Variants in RAPGEF5 observed in about 807,000 individuals in gnomAD.
RAPGEF5 encodes the protein Rap guanine nucleotide exchange factor 5.
Under a neutral mutation model 125.2 loss-of-function variants are expected in RAPGEF5, and 65 were observed. That is an observed-to-expected ratio of 0.52 (90% CI 0.43 to 0.64). The LOEUF is 0.64. Among genes scored for constraint, RAPGEF5 ranks in the 30% least tolerant of loss-of-function variants. The pLI, the probability that RAPGEF5 is intolerant of heterozygous loss-of-function variation, is 0.00. For missense variants in RAPGEF5, 958 were observed against 1,048.1 expected (o/e 0.91, Z 1.19); for synonymous variants, 391 against 385.9 (o/e 1.01, Z -0.16).
intron 9 of RAPGEF5, among the ~76,000 whole-genome samples, chr7:22,210,573 A>T (rs1238771546): frequency 6.6e-6 from 1 of 152,068 alleles, no homozygotes; most frequent in Non-Finnish European, 1.5e-5. Flanking sequence ...TGACATCTTA[A>T]TTGTCTCATT....
intron 1 of RAPGEF5, among the ~76,000 whole-genome samples, chr7:22,347,925 G>T (rs1784254981): frequency 6.6e-6 from 1 of 152,094 alleles, no homozygotes; most frequent in Non-Finnish European, 1.5e-5. Context: ...TGCTATATTT[G>T]GAGGTGAATG....
In RAPGEF5 at chr7:22,131,731, G is replaced by A. The variant is rs140271923; in HGVS notation, c.2417-630C>T. ...ATAAAAGGAGGAAAGTACAATGAAA[G>A]TGCATTTTCAGAGGAAGATAAAGTT... On this transcript the variant is annotated intron_variant, in intron 23 of 25. Coordinates refer to ENST00000665637, the MANE Select transcript of RAPGEF5 (RefSeq NM_012294.5). Among the ~76,000 whole-genome samples the A allele has an allele frequency of 4.5e-3, 692 of 152,298 alleles. 1 individual carries two copies. The highest frequency in any genetic ancestry group is 0.015 in the African/African-American group (633 of 41,552).
At chr7:22,125,918 T>A (rs1782728992) in intron 24 of RAPGEF5, among the ~76,000 whole-genome samples, 3 of 152,012 alleles carry the variant, frequency 2.0e-5, no homozygotes, top group South Asian at 4.1e-4. Flanking sequence ...GAGGCTGAGG[T>A]GGGCGGATCA....
At chr7:22,220,173 G>T in intron 8 of RAPGEF5, 182 bp from the exon 9 acceptor site, 1 of 706,070 alleles carries the variant, frequency 1.4e-6, no homozygotes, top group Non-Finnish European at 2.3e-6. Flanking sequence ...AGAGCACCAT[G>T]CCAAAAGACT....
At chr7:22,181,131 GCT>G (rs1160548435) in intron 11 of RAPGEF5, among the ~76,000 whole-genome samples, 1 of 152,068 alleles carries the variant, frequency 6.6e-6, no homozygotes, top group African/African-American at 2.4e-5. Flanking sequence ...AGATCACTCT[GCT>G]CTCTCTTTTT....
rs1785624687 is a variant in RAPGEF5 at position 22,215,838 on chromosome 7, G to A, written c.996+4028C>T. ...AAGAAAAGTTTGTGTAGTCCCCATA[G>A]TGTTTGCCAGAACCCCACCTAACAA... On this transcript the variant is annotated intron_variant, in intron 9 of 25. Coordinates refer to ENST00000665637, the MANE Select transcript of RAPGEF5 (RefSeq NM_012294.5). Among the ~76,000 whole-genome samples the A allele has an allele frequency of 2.0e-5, 3 of 152,156 alleles. No individual in the cohort carries two copies. In the South Asian group the frequency reaches 6.2e-4, roughly 32 times the overall value.
chr7:22,238,905 C>A (rs538563020), intron 7 of RAPGEF5, among the ~76,000 whole-genome samples: 1 of 152,262 alleles, frequency 6.6e-6, no homozygotes, highest in Middle Eastern at 3.4e-3. Context: ...TCAGGTCTGA[C>A]ACTATCTGTA....
chr7:22,221,344 A>G (rs1785784202), intron 8 of RAPGEF5, among the ~76,000 whole-genome samples: 1 of 152,194 alleles, frequency 6.6e-6, no homozygotes, highest in Admixed American at 6.5e-5. Flanking sequence ...TTTAACTTCA[A>G]TCTGTGAGGA....
chr7:22,284,005 G>C (rs1423087396), intron 6 of RAPGEF5, among the ~76,000 whole-genome samples: 1 of 151,886 alleles, frequency 6.6e-6, no homozygotes, highest in Non-Finnish European at 1.5e-5. Flanking sequence ...CACACAATCT[G>C]GGTAGATTTT....
chr7:22,325,478 T>C (rs748152080), intron 1 of RAPGEF5, among the ~76,000 whole-genome samples: 8 of 152,168 alleles, frequency 5.3e-5, no homozygotes, highest in Non-Finnish European at 8.8e-5. Context: ...ATCCCTGCCT[T>C]AAGTGGTCAT....
intron 7 of RAPGEF5, among the ~76,000 whole-genome samples, chr7:22,248,501 C>T (rs1786536662): frequency 6.6e-6 from 1 of 152,150 alleles, no homozygotes; most frequent in South Asian, 2.1e-4. Context: ...TGCCCCTTCC[C>T]TAACCAGACC....
At chr7:22,339,040 T>A (rs1376435566) in intron 1 of RAPGEF5, among the ~76,000 whole-genome samples, 2 of 152,158 alleles carry the variant, frequency 1.3e-5, no homozygotes, top group Non-Finnish European at 1.5e-5. Flanking sequence ...GGCTCAAGCA[T>A]GCGCACTAAG....
intron 8 of RAPGEF5, among the ~76,000 whole-genome samples, chr7:22,221,870 A>T (rs1428451680): frequency 6.6e-6 from 1 of 152,166 alleles, no homozygotes; most frequent in East Asian, 1.9e-4. Context: ...TATTTTATTC[A>T]TTCATTCACT....
chr7:22,166,766 G>A (rs1784180099), intron 12 of RAPGEF5, among the ~76,000 whole-genome samples: 1 of 152,102 alleles, frequency 6.6e-6, no homozygotes, highest in Non-Finnish European at 1.5e-5. Context: ...TTGACTCTGG[G>A]GTTTACCCAG....
intron 8 of RAPGEF5, among the ~76,000 whole-genome samples, chr7:22,226,958 C>A (rs1185820007): frequency 6.6e-6 from 1 of 152,046 alleles, no homozygotes; most frequent in African/African-American, 2.4e-5. Flanking sequence ...CCCTCAAGTA[C>A]TTTCTTAATC....
chr7:22,329,583 A>C (rs1314290990), intron 1 of RAPGEF5, among the ~76,000 whole-genome samples: 1 of 152,236 alleles, frequency 6.6e-6, no homozygotes, highest in Admixed American at 6.5e-5. Flanking sequence ...AATAAAAATA[A>C]GTAAAAGTAA....
intron 9 of RAPGEF5, among the ~76,000 whole-genome samples, chr7:22,213,308 GCA>G (rs1395905303): frequency 6.6e-6 from 1 of 152,198 alleles, no homozygotes; most frequent in Non-Finnish European, 1.5e-5. Context: ...AATTTAAAGA[GCA>G]CACACAGTGA....
At chr7:22,329,848 A>C (rs1783880890) in intron 1 of RAPGEF5, among the ~76,000 whole-genome samples, 1 of 152,128 alleles carries the variant, frequency 6.6e-6, no homozygotes, top group Non-Finnish European at 1.5e-5. Context: ...AGATATTTTT[A>C]TTCAGCAGTT....
At chr7:22,279,724 A>G (rs1782632643) in intron 6 of RAPGEF5, among the ~76,000 whole-genome samples, 1 of 152,224 alleles carries the variant, frequency 6.6e-6, no homozygotes, top group Non-Finnish European at 1.5e-5. Context: ...CCATTTATTT[A>G]AAGGGAGCTG....
Sources: allele counts gnomAD v4.1 joint callset (sites outside exome capture counted in the v4.1 genomes callset), GRCh38; gene constraint gnomAD v4.1.1; transcripts MANE v1.5; gene names NCBI Gene and HGNC (gene_info 2026-07-23, HGNC 2026-07-21).